The following SEMA5A variants were observed in gnomAD, a reference collection of about 807,000 sequenced individuals.
SEMA5A encodes semaphorin-5A.
A neutral mutation model predicts 135.5 loss-of-function variants in SEMA5A; 55 were observed. The ratio of observed to expected loss-of-function variants is 0.41; its 90% CI spans 0.33 to 0.51. SEMA5A has a LOEUF of 0.51. Ranked by LOEUF, SEMA5A falls within the 20% of genes least tolerant of loss-of-function variation. The probability of loss-of-function intolerance (pLI) is 0.37; values close to 1 mark genes in which losing one functional copy is unlikely to be tolerated. For missense variants in SEMA5A, 1,290 were observed against 1,419.9 expected (o/e 0.91, Z 1.47); for synonymous variants, 580 against 546.5 (o/e 1.06, Z -0.85).
intron 1 of SEMA5A, among the ~76,000 whole-genome samples, chr5:9,505,541 A>C (rs1384581502): frequency 2.0e-5 from 3 of 152,168 alleles, no homozygotes; most frequent in Non-Finnish European, 2.9e-5. Flanking sequence ...ACAAGTTGTC[A>C]AACCAGACTG....
intron 2 of SEMA5A, among the ~76,000 whole-genome samples, chr5:9,414,083 G>T (rs563898518): frequency 3.3e-4 from 50 of 151,908 alleles, no homozygotes; most frequent in Non-Finnish European, 7.1e-4. Context: ...GAGCCAAAAG[G>T]ATACCCAACC....
At chr5:9,180,415 C>G (rs1291300945) in intron 11 of SEMA5A, among the ~76,000 whole-genome samples, 1 of 151,984 alleles carries the variant, frequency 6.6e-6, no homozygotes, top group East Asian at 1.9e-4. Context: ...TTGATGGGAG[C>G]CCCTTACATA....
At chr5:9,148,433 A>G (rs1742456617) in intron 12 of SEMA5A, among the ~76,000 whole-genome samples, 3 of 152,114 alleles carry the variant, frequency 2.0e-5, no homozygotes, top group Non-Finnish European at 4.4e-5. Context: ...CTTACTCACA[A>G]GTGACCTAAG....
intron 12 of SEMA5A, among the ~76,000 whole-genome samples, chr5:9,148,125 T>C (rs1742440979): frequency 6.6e-6 from 1 of 152,232 alleles, no homozygotes; most frequent in African/African-American, 2.4e-5. Flanking sequence ...ATTAAGATTG[T>C]ATGAGTAAGT....
intron 2 of SEMA5A, among the ~76,000 whole-genome samples, chr5:9,400,501 A>ATTTTTTTTTTTTTTTTTTTTTTTTTT (rs1215358817): frequency 1.1e-5 from 1 of 87,040 alleles, no homozygotes; most frequent in African/African-American, 5.1e-5. Flanking sequence ...CACAATGTAC[A>ATTTTTTTTTTTTTTTTTTTTTTTTTT]TTTTTTTTTT....
At chr5:9,301,348 A>T (rs2150612044) in intron 5 of SEMA5A, among the ~76,000 whole-genome samples, 1 of 152,350 alleles carries the variant, frequency 6.6e-6, no homozygotes, top group South Asian at 2.1e-4. Context: ...ATCTGTTTCG[A>T]GAAGTTTTAA....
chr5:9,535,036 C>G (rs1737678903), intron 1 of SEMA5A, among the ~76,000 whole-genome samples: 1 of 152,176 alleles, frequency 6.6e-6, no homozygotes, highest in Non-Finnish European at 1.5e-5. Context: ...AAAGTCGGGT[C>G]AGGGCTGAAT....
chr5:9,222,718 C>T (rs185999145), intron 8 of SEMA5A, among the ~76,000 whole-genome samples: 19 of 152,314 alleles, frequency 1.2e-4, no homozygotes, highest in Non-Finnish European at 2.5e-4. Flanking sequence ...GTGATAAACA[C>T]TGTTTTAGCT....
intron 1 of SEMA5A, among the ~76,000 whole-genome samples, chr5:9,475,043 G>A (rs1382779166): frequency 6.6e-6 from 1 of 152,226 alleles, no homozygotes; most frequent in Non-Finnish European, 1.5e-5. Flanking sequence ...CCAGGTTCAA[G>A]TGATTGTCCT....
At chr5:9,353,110 A>AGGGAAAG in intron 3 of SEMA5A, among the ~76,000 whole-genome samples, 1 of 17,012 alleles carries the variant, frequency 5.9e-5, no homozygotes, top group African/African-American at 2.6e-4. Context: ...AGGAAAGGAA[A>AGGGAAAG]GGAAAGGAAA....
intron 2 of SEMA5A, among the ~76,000 whole-genome samples, chr5:9,384,633 TAG>T (rs1561207986): frequency 0.038 from 4,485 of 118,190 alleles, 338 homozygotes; most frequent in East Asian, 0.062. Flanking sequence ...GATAGATAGA[TAG>T]ATAGATAGAT....
chr5:9,219,929 C>A (rs780014004), intron 8 of SEMA5A, among the ~76,000 whole-genome samples: 1 of 152,034 alleles, frequency 6.6e-6, no homozygotes, highest in Non-Finnish European at 1.5e-5. Flanking sequence ...GTGAATGGTC[C>A]TCAGTAGGCG....
chr5:9,460,347 C>T (rs541288191), intron 1 of SEMA5A, among the ~76,000 whole-genome samples: 3 of 150,292 alleles, frequency 2.0e-5, no homozygotes, highest in Non-Finnish European at 4.5e-5. Context: ...ATACGTAGAA[C>T]AAAACAGTTT....
intron 16 of SEMA5A, among the ~76,000 whole-genome samples, chr5:9,107,638 G>A (rs6865778): frequency 0.26 from 39,920 of 152,006 alleles, 5,466 homozygotes; most frequent in Non-Finnish European, 0.31. Flanking sequence ...CTTAATTCAC[G>A]AAGCCTCCAG....
intron 5 of SEMA5A, among the ~76,000 whole-genome samples, chr5:9,256,638 C>T (rs550355114): frequency 5.3e-5 from 8 of 152,326 alleles, no homozygotes; most frequent in African/African-American, 1.9e-4. Flanking sequence ...TAAATATCTC[C>T]TCCAACTATA....
intron 4 of SEMA5A, among the ~76,000 whole-genome samples, chr5:9,318,756 G>A (rs750025008): frequency 6.6e-6 from 1 of 152,170 alleles, no homozygotes; most frequent in Non-Finnish European, 1.5e-5. Flanking sequence ...TACTTAAGAT[G>A]ATGTACAACT....
At chr5:9,117,869 A>G (rs1740606912) in intron 15 of SEMA5A, among the ~76,000 whole-genome samples, 1 of 152,244 alleles carries the variant, frequency 6.6e-6, no homozygotes, top group African/African-American at 2.4e-5. Context: ...GGCTTGCACA[A>G]GACTGTCTCA....
At chr5:9,388,306 C>T (rs1472387454) in intron 2 of SEMA5A, among the ~76,000 whole-genome samples, 5 of 152,038 alleles carry the variant, frequency 3.3e-5, no homozygotes, top group Non-Finnish European at 4.4e-5. Context: ...TTGTTTAGCT[C>T]CAGATCGCCT....
At chr5:9,513,198 C>T (rs1244643115) in intron 1 of SEMA5A, among the ~76,000 whole-genome samples, 2 of 151,520 alleles carry the variant, frequency 1.3e-5, no homozygotes, top group Non-Finnish European at 2.9e-5. Context: ...AAGAATCACA[C>T]AATCACATGA....
Sources: allele counts gnomAD v4.1 joint callset (sites outside exome capture counted in the v4.1 genomes callset), GRCh38; gene constraint gnomAD v4.1.1; transcripts MANE v1.5; gene names NCBI Gene and HGNC (gene_info 2026-07-23, HGNC 2026-07-21).